Variants in RSPO2 observed in about 807,000 individuals in gnomAD.
RSPO2 encodes the protein R-spondin 2, also known as R-spondin-2.
RSPO2 carries 14 observed loss-of-function variants against 30.9 expected under a neutral mutation model. That is an observed-to-expected ratio of 0.45 (90% CI 0.30 to 0.71). The LOEUF is 0.71. Ranked by LOEUF, RSPO2 falls within the 30% of genes least tolerant of loss-of-function variation. The pLI is 0.08. For missense variants in RSPO2, 264 were observed against 301.9 expected (o/e 0.87, Z 0.93); for synonymous variants, 107 against 96.4 (o/e 1.11, Z -0.64).
At chr8:108,003,311 ATTTT>A (rs869040336) in intron 2 of RSPO2, among the ~76,000 whole-genome samples, 62 of 28,918 alleles carry the variant, frequency 2.1e-3, no homozygotes, top group African/African-American at 5.0e-3. Flanking sequence ...ATATATATAT[ATTTT>A]TTTTTTTTTT....
chr8:107,932,370 T>C (rs903537491), intron 5 of RSPO2, among the ~76,000 whole-genome samples: 2 of 152,038 alleles, frequency 1.3e-5, no homozygotes, highest in Non-Finnish European at 1.5e-5. Flanking sequence ...AGGGAGGTAA[T>C]ACCACCTTCT....
chr8:107,976,536 G>T (rs1814216210), intron 3 of RSPO2, among the ~76,000 whole-genome samples: 1 of 152,212 alleles, frequency 6.6e-6, no homozygotes, highest in African/African-American at 2.4e-5. Context: ...AGACAGGCTG[G>T]TCTGGAATGT....
intron 5 of RSPO2, among the ~76,000 whole-genome samples, chr8:107,925,452 C>A (rs1024577061): frequency 1.3e-5 from 2 of 151,608 alleles, no homozygotes; most frequent in Non-Finnish European, 2.9e-5. Flanking sequence ...ATGTGCACAA[C>A]GTGCAGGTTT....
intron 2 of RSPO2, among the ~76,000 whole-genome samples, chr8:108,066,643 A>T (rs1812678886): frequency 6.6e-6 from 1 of 152,200 alleles, no homozygotes; most frequent in Non-Finnish European, 1.5e-5. Context: ...AATGGAAGAA[A>T]ATAAGCTTAT....
Position 107,908,888 on chromosome 8 carries a change from G to A in RSPO2, c.617-7698C>T, listed in dbSNP as rs370643591. On this transcript the variant is annotated intron_variant, in intron 5 of 5. Transcript: ENST00000276659. ...AAAGTTAAACTACCTGCAAATAACA[G>A]GTTCTTATCTTGGATTCCTTATTTA... 1.2e-4 allele frequency among the ~76,000 whole-genome samples: 18 copies of A among 152,248 alleles called. No homozygotes were observed. The South Asian group carries it at 3.5e-3, about 30-fold the overall frequency.
At chr8:107,920,863 G>A (rs972981150) in intron 5 of RSPO2, among the ~76,000 whole-genome samples, 18 of 152,014 alleles carry the variant, frequency 1.2e-4, no homozygotes, top group African/African-American at 2.9e-4. Flanking sequence ...AAGTTAAAAC[G>A]TAAAGTAGAT....
At chr8:108,054,459 G>A (rs1812175884) in intron 2 of RSPO2, among the ~76,000 whole-genome samples, 1 of 152,078 alleles carries the variant, frequency 6.6e-6, no homozygotes, top group African/African-American at 2.4e-5. Flanking sequence ...GGCCAGGCCT[G>A]GAAGTAGTAA....
intron 5 of RSPO2, among the ~76,000 whole-genome samples, chr8:107,930,200 T>A (rs1200138142): frequency 6.6e-6 from 1 of 152,176 alleles, no homozygotes; most frequent in Non-Finnish European, 1.5e-5. Flanking sequence ...AGGAAACTTT[T>A]GGGTTTGTAA....
chr8:107,973,941 G>A (rs772915454), intron 3 of RSPO2, among the ~76,000 whole-genome samples: 5 of 152,076 alleles, frequency 3.3e-5, no homozygotes, highest in Non-Finnish European at 7.4e-5. Flanking sequence ...CCTCTAAATC[G>A]ATTGAGACCT....
chr8:108,067,991 C>CT (rs1812726105), intron 2 of RSPO2, among the ~76,000 whole-genome samples: 1 of 151,982 alleles, frequency 6.6e-6, no homozygotes, highest in Admixed American at 6.6e-5. Flanking sequence ...ATCACTTGAA[C>CT]CTGGGAGGCA....
At position 107,900,932 on chromosome 8, in the gene RSPO2, TGGTGCTTCCTTTCACCATGTTACTG is replaced by T. The variant is rs1298277055; in HGVS notation, c.*118_*142del. 2 of 803,774 alleles carry T rather than the reference TGGTGCTTCCTTTCACCATGTTACTG, an allele frequency of 2.5e-6. No individual in the cohort carries two copies. The highest frequency in any genetic ancestry group is 4.0e-6 in the Non-Finnish European group (2 of 506,140). The allele number at this position is 803,774 out of a possible 1,614,324, so 49.8% of individuals were successfully genotyped here. ...ATAAATAACACAGGGGCCATGCTGG[TGGTGCTTCCTTTCACCATGTTACTG>T]GGAACAGATACTGGGCAGAGCAGCA... On this transcript the variant is annotated 3_prime_UTR_variant, in exon 6 of 6. Coordinates refer to ENST00000276659, the MANE Select transcript of RSPO2 (RefSeq NM_178565.5).
intron 2 of RSPO2, among the ~76,000 whole-genome samples, chr8:108,058,259 GA>G (rs1812321449): frequency 6.6e-6 from 1 of 152,090 alleles, no homozygotes; most frequent in South Asian, 2.1e-4. Flanking sequence ...TTGCTTCAAA[GA>G]AAATAAAATA....
In RSPO2 at chr8:107,915,899, T is replaced by C. The variant is rs779082036; in HGVS notation, c.617-14709A>G. Among the ~76,000 whole-genome samples, 10 of 152,260 alleles carry C rather than the reference T, an allele frequency of 6.6e-5. 1 individual carries two copies. Among genetic ancestry groups the C allele is most frequent in the African/African-American group, 2.2e-4 (9 of 41,550 alleles). On this transcript the variant is annotated intron_variant, in intron 5 of 5. Transcript: ENST00000276659. The stretch of plus-strand genomic sequence containing the variant: ...CATAAAACAGAAAAGGGTGGGTTTG[T>C]CTTTGGGGATCTGGCTTTGCCCTAC...
chr8:107,988,419 C>T (rs1201813081), intron 3 of RSPO2, among the ~76,000 whole-genome samples: 1 of 149,578 alleles, frequency 6.7e-6, no homozygotes, highest in African/African-American at 2.4e-5. Flanking sequence ...ACTTAAATTC[C>T]TTTGTGGTTT....
chr8:108,019,297 C>T (rs1250910124), intron 2 of RSPO2, among the ~76,000 whole-genome samples: 2 of 151,826 alleles, frequency 1.3e-5, no homozygotes, highest in Admixed American at 6.6e-5. Flanking sequence ...GAGGTTGCAG[C>T]GAGCGGAGAT....
intron 5 of RSPO2, among the ~76,000 whole-genome samples, chr8:107,912,174 G>A (rs1433398367): frequency 6.6e-6 from 1 of 152,110 alleles, no homozygotes; most frequent in African/African-American, 2.4e-5. Context: ...GTTTAAACCT[G>A]TGGTTCCAAA....
intron 5 of RSPO2, among the ~76,000 whole-genome samples, chr8:107,908,454 G>A (rs1170199352): frequency 1.3e-5 from 2 of 152,126 alleles, no homozygotes; most frequent in East Asian, 3.9e-4. Flanking sequence ...AAAGTTTTCA[G>A]AGCAGTAGAA....
chr8:108,023,581 G>A (rs1160874548), intron 2 of RSPO2, among the ~76,000 whole-genome samples: 1 of 152,234 alleles, frequency 6.6e-6, no homozygotes, highest in Non-Finnish European at 1.5e-5. Context: ...CTCTTAGGTA[G>A]TGAGAGTTGA....
At chr8:108,038,555 C>T (rs1262256206) in intron 2 of RSPO2, among the ~76,000 whole-genome samples, 3 of 152,144 alleles carry the variant, frequency 2.0e-5, no homozygotes, top group Non-Finnish European at 4.4e-5. Context: ...AACAGCAACA[C>T]AATGCTACAG....
Sources: gnomAD v4.1 joint callset for allele counts (sites outside exome capture counted in the v4.1 genomes callset) on GRCh38, gnomAD v4.1.1 for gene constraint, MANE v1.5 for transcripts, NCBI Gene and HGNC (gene_info 2026-07-23, HGNC 2026-07-21) for gene names.